NAALADL2: variants seen among roughly 807,000 people sequenced by gnomAD.
NAALADL2 encodes inactive N-acetylated-alpha-linked acidic dipeptidase-like protein 2.
NAALADL2 carries 76 observed loss-of-function variants against 87.2 expected under a neutral mutation model. That is an observed-to-expected ratio of 0.87 (90% CI 0.72 to 1.05). NAALADL2 has a LOEUF of 1.05. Ranked by LOEUF, NAALADL2 falls within the 50% of genes least tolerant of loss-of-function variation. The pLI is 0.00. For synonymous variants in NAALADL2, 354 were observed against 331.0 expected (o/e 1.07, Z -0.75); for missense variants, 1,089 against 945.8 (o/e 1.15, Z -1.99).
intron 2 of NAALADL2, among the ~76,000 whole-genome samples, chr3:174,698,400 G>T (rs972891421): frequency 6.6e-6 from 1 of 152,000 alleles, no homozygotes; most frequent in African/African-American, 2.4e-5. Flanking sequence ...TTCCTCTCAG[G>T]ATTTTGAAGA....
intron 1 of NAALADL2, among the ~76,000 whole-genome samples, chr3:175,073,987 T>C (rs1241281315): frequency 1.3e-5 from 2 of 152,196 alleles, no homozygotes; most frequent in Non-Finnish European, 2.9e-5. Context: ...ACTGTATACA[T>C]GAAACTTTCC....
At chr3:175,293,775 G>C (rs1353992286) in intron 4 of NAALADL2, among the ~76,000 whole-genome samples, 1 of 152,116 alleles carries the variant, frequency 6.6e-6, no homozygotes, top group Admixed American at 6.5e-5. Context: ...TTTGATTTCA[G>C]GTTTCCCAGG....
chr3:175,217,208 A>T (rs1425667808), intron 2 of NAALADL2, among the ~76,000 whole-genome samples: 3 of 152,198 alleles, frequency 2.0e-5, no homozygotes, highest in East Asian at 3.9e-4. Flanking sequence ...AGCTAGGCAC[A>T]TATGGCCAAA....
At chr3:175,786,488 G>C (rs573713879) in intron 13 of NAALADL2, among the ~76,000 whole-genome samples, 1 of 149,276 alleles carries the variant, frequency 6.7e-6, no homozygotes, top group South Asian at 2.1e-4. Context: ...CCAGTTGATC[G>C]CATCAGCTCC....
intron 3 of NAALADL2, among the ~76,000 whole-genome samples, chr3:174,767,660 C>A (rs971746511): frequency 6.6e-6 from 1 of 152,178 alleles, no homozygotes; most frequent in Admixed American, 6.5e-5. Flanking sequence ...AGAGACAGTG[C>A]CTGATATTGG....
At chr3:174,858,479 T>G (rs1034864513), upstream of NAALADL2, among the ~76,000 whole-genome samples, 6 of 152,092 alleles carry the variant, frequency 3.9e-5, no homozygotes, top group Admixed American at 3.9e-4. Flanking sequence ...TCACCATGCT[T>G]CTATTCAAAA....
chr3:174,903,322 T>A (rs914081873), intron 1 of NAALADL2, among the ~76,000 whole-genome samples: 2 of 152,108 alleles, frequency 1.3e-5, no homozygotes, highest in African/African-American at 4.8e-5. Flanking sequence ...CTGTAGTGTT[T>A]TAAAGTGTTC....
At chr3:174,469,509 A>G (rs1006459151) in intron 1 of NAALADL2, among the ~76,000 whole-genome samples, 1 of 150,336 alleles carries the variant, frequency 6.7e-6, no homozygotes, top group Non-Finnish European at 1.5e-5. Context: ...GCTCACTGCT[A>G]GCTCTGCCTC....
At chr3:174,913,804 G>A (rs899956242) in intron 1 of NAALADL2, among the ~76,000 whole-genome samples, 2 of 151,822 alleles carry the variant, frequency 1.3e-5, no homozygotes, top group Non-Finnish European at 2.9e-5. Context: ...AAATCATTTT[G>A]TGTATTGAAA....
At chr3:175,259,075 G>A (rs1750572995) in intron 4 of NAALADL2, among the ~76,000 whole-genome samples, 1 of 152,162 alleles carries the variant, frequency 6.6e-6, no homozygotes, top group Non-Finnish European at 1.5e-5. Flanking sequence ...TACTGCTTCA[G>A]TTAATTCACA....
intron 1 of NAALADL2, among the ~76,000 whole-genome samples, chr3:175,015,368 T>C (rs1750674444): frequency 6.6e-6 from 1 of 152,118 alleles, no homozygotes; most frequent in Non-Finnish European, 1.5e-5. Flanking sequence ...AAGATAAAAG[T>C]ACTTGAACAT....
intron 1 of NAALADL2, among the ~76,000 whole-genome samples, chr3:174,530,443 C>T (rs999605846): frequency 6.6e-6 from 1 of 152,136 alleles, no homozygotes; most frequent in African/African-American, 2.4e-5. Context: ...CTGTTCCAAC[C>T]GCTTCCACAT....
intron 4 of NAALADL2, among the ~76,000 whole-genome samples, chr3:175,316,952 C>T (rs1261688169): frequency 6.6e-6 from 1 of 152,100 alleles, no homozygotes; most frequent in African/African-American, 2.4e-5. Flanking sequence ...CCACCAGGAG[C>T]CAAATTTGAC....
chr3:174,829,267 C>T (rs905764422), intron 3 of NAALADL2, among the ~76,000 whole-genome samples: 2 of 146,436 alleles, frequency 1.4e-5, no homozygotes, highest in Non-Finnish European at 3.0e-5. Flanking sequence ...CCTCCCCCAT[C>T]CCCCCACCCC....
At chr3:174,745,652 C>T (rs1412193464) in intron 3 of NAALADL2, among the ~76,000 whole-genome samples, 1 of 151,976 alleles carries the variant, frequency 6.6e-6, no homozygotes, top group South Asian at 2.1e-4. Context: ...AAGAAAACTT[C>T]AGCCAATATC....
At chr3:175,718,684 AT>A in intron 11 of NAALADL2, 1 of 1,536,624 alleles carries the variant, frequency 6.5e-7, no homozygotes, top group Non-Finnish European at 8.9e-7. Context: ...GTTTTCTTGT[AT>A]TTTTATAGAG....
intron 3 of NAALADL2, among the ~76,000 whole-genome samples, chr3:174,750,552 A>G (rs1236059473): frequency 6.6e-6 from 1 of 151,674 alleles, no homozygotes; most frequent in African/African-American, 2.4e-5. Flanking sequence ...TCCTGCTTCA[A>G]CCTCCTGAGT....
intron 10 of NAALADL2, among the ~76,000 whole-genome samples, chr3:175,599,067 G>T (rs1722612520): frequency 6.6e-6 from 1 of 152,060 alleles, no homozygotes; most frequent in East Asian, 1.9e-4. Context: ...ACTCTTCATG[G>T]TGTGGCCTCA....
chr3:174,446,107 C>T (rs1484647168), intron 1 of NAALADL2, among the ~76,000 whole-genome samples: 1 of 152,102 alleles, frequency 6.6e-6, no homozygotes, highest in Admixed American at 6.5e-5. Flanking sequence ...ATTTTGAGCT[C>T]AGCATGAATT....
Sources: allele counts gnomAD v4.1 joint callset (sites outside exome capture counted in the v4.1 genomes callset), GRCh38; gene constraint gnomAD v4.1.1; transcripts MANE v1.5; gene names NCBI Gene and HGNC (gene_info 2026-07-23, HGNC 2026-07-21).